Variants in VCAN observed in about 807,000 individuals in gnomAD.
VCAN encodes the protein versican.
A neutral mutation model predicts 245.5 loss-of-function variants in VCAN; 44 were observed. The observed-to-expected ratio is 0.18, with a 90% CI of 0.14 to 0.23. The LOEUF is 0.23. Among genes scored for constraint, VCAN ranks in the 10% least tolerant of loss-of-function variants. The pLI, the probability that VCAN is intolerant of heterozygous loss-of-function variation, is 1.00. For missense variants in VCAN, 3,793 were observed against 4,057.9 expected, an observed-to-expected ratio of 0.93 and a Z score of 1.77; for synonymous variants, 1,413 against 1,437.0, an observed-to-expected ratio of 0.98 and a Z score of 0.38.
Position 83,520,087 on chromosome 5 carries a change from T to C in VCAN, c.1781T>C (p.Leu594Ser). 6.2e-7 allele frequency: 1 copy of C among 1,614,086 alleles called. No homozygotes were observed. Among genetic ancestry groups the C allele is most frequent in the Non-Finnish European group, 8.5e-7 (1 of 1,179,966 alleles). Residue 594 changes from leucine (L) to serine (S), a missense_variant, in exon 7 of 15, where the codon TTA becomes TCA. By Grantham distance (145) the Leu-to-Ser change is moderately radical. Transcript: ENST00000265077. Reference sequence around the variant, plus strand: ...TCAGAAGACACCATCCACACTCATTTAGAAGACTTGGAGTCAGTCTCAGCA... The same window carrying C: ...TCAGAAGACACCATCCACACTCATTCAGAAGACTTGGAGTCAGTCTCAGCA... Reference protein sequence around the residue: ...KTSEDTIHTHLEDLESVSAST... With the variant: ...KTSEDTIHTHSEDLESVSAST...
intron 9 of VCAN, among the ~76,000 whole-genome samples, chr5:83,547,623 G>A (rs976680837): frequency 5.3e-5 from 8 of 152,200 alleles, no homozygotes; most frequent in African/African-American, 1.4e-4. Flanking sequence ...GGCTGGGGCT[G>A]TTGATTCTTC....
chr5:83,485,092 C>G (rs113950260), intron 2 of VCAN, among the ~76,000 whole-genome samples: 155 of 152,282 alleles, frequency 1.0e-3, no homozygotes, highest in African/African-American at 3.4e-3. Flanking sequence ...AACACTAACT[C>G]ACTGAAACAT....
Position 83,581,574 on chromosome 5 carries a change from C to T in VCAN, c.*1140C>T, listed in dbSNP as rs1748680546. The T allele has an allele frequency of 6.6e-6, 1 of 152,006 alleles. No homozygotes were observed. Among genetic ancestry groups the T allele is most frequent in the Non-Finnish European group, 1.5e-5 (1 of 68,008 alleles). The allele number at this position is 152,006 out of a possible 1,614,324, so 9.4% of individuals were successfully genotyped here. On this transcript the variant is annotated 3_prime_UTR_variant, in exon 15 of 15. Coordinates refer to ENST00000265077, the MANE Select transcript of VCAN (RefSeq NM_004385.5). ...GAATCATATAATATAGGTACTTTGT[C>T]CCTGATTAAATAATGTGACGGATAG...
chr5:83,473,655 C>T (rs1744281515), intron 1 of VCAN, among the ~76,000 whole-genome samples: 1 of 152,212 alleles, frequency 6.6e-6, no homozygotes, highest in African/African-American at 2.4e-5. Flanking sequence ...GATCTGCCCC[C>T]AGTTCAGCTC....
rs910091804 is a variant in VCAN at position 83,538,733 on chromosome 5, G to T, written c.5730G>T (p.Glu1910Asp). The change falls in exon 8 of 15, where the codon GAG (glutamate) becomes GAT (aspartate). Residue 1910 changes from glutamate to aspartate, a missense_variant. Coordinates refer to ENST00000265077, the MANE Select transcript of VCAN (RefSeq NM_004385.5). ...CATCCAGGGAAATAGTGATTTCAGA[G>T]CGATTAGGAGAACCAAATTATGGGG... Reference protein sequence around the residue: ...TQTSREIVISERLGEPNYGAE... With the variant: ...TQTSREIVISDRLGEPNYGAE... The T allele has an allele frequency of 1.9e-6, 3 of 1,613,968 alleles. No individual in the cohort carries two copies. In the African/African-American group the frequency reaches 4.0e-5, roughly 22 times the overall value.
intron 5 of VCAN, among the ~76,000 whole-genome samples, chr5:83,510,560 T>C (rs1451492903): frequency 6.6e-6 from 1 of 152,224 alleles, no homozygotes; most frequent in Non-Finnish European, 1.5e-5. Context: ...CAGTTTTCAT[T>C]TCTCCTCCTG....
chr5:83,486,145 A>G (rs1477678440), intron 2 of VCAN, among the ~76,000 whole-genome samples: 1 of 152,062 alleles, frequency 6.6e-6, no homozygotes, highest in Admixed American at 6.6e-5. Context: ...TAACTGGTAA[A>G]TAAATAAATA....
At chr5:83,574,754 G>A (rs922219357) in intron 13 of VCAN, among the ~76,000 whole-genome samples, 5 of 152,022 alleles carry the variant, frequency 3.3e-5, no homozygotes, top group African/African-American at 9.7e-5. Flanking sequence ...ATAAACTATG[G>A]ATCACAAATG....
chr5:83,540,531 G>A lies in VCAN; in HGVS notation c.7528G>A (p.Val2510Met), dbSNP rs1376620277. ...PDPTSTLSNT[V>M]SYERSTDGSF... ...TCCAACTAGCACACTGTCAAATACAGTGTCATATGAGAGGTCCACAGACGG... is the reference window on the plus strand; with the variant it reads ...TCCAACTAGCACACTGTCAAATACAATGTCATATGAGAGGTCCACAGACGG... Residue 2510 changes from valine to methionine, a missense_variant, in exon 8 of 15, where the codon GTG (valine) becomes ATG (methionine). Around this residue, in one of 5 missense-constraint regions of VCAN, gnomAD observed 3,182 missense variants for 3,250.3 expected, o/e 0.98. Coordinates refer to ENST00000265077, the MANE Select transcript of VCAN (RefSeq NM_004385.5). The A allele has an allele frequency of 3.1e-6, 5 of 1,613,970 alleles. No individual in the cohort carries two copies. The highest frequency in any genetic ancestry group is 4.2e-6 in the Non-Finnish European group (5 of 1,179,950).
At chr5:83,506,204 T>TC (rs984254337) in intron 5 of VCAN, among the ~76,000 whole-genome samples, 28 of 152,308 alleles carry the variant, frequency 1.8e-4, no homozygotes, top group African/African-American at 6.3e-4. Context: ...CGGCTTGAAT[T>TC]CCCCCGCAGA....
intron 2 of VCAN, among the ~76,000 whole-genome samples, chr5:83,486,210 A>T (rs1198212707): frequency 6.6e-6 from 1 of 152,164 alleles, no homozygotes; most frequent in African/African-American, 2.4e-5. Context: ...AGATATAATA[A>T]CATCTTCCAT....
In VCAN at chr5:83,519,815, A is replaced by T. The variant is rs372778379; in HGVS notation, c.1509A>T (p.Glu503Asp). ...IEVGPLVTSMEILKHIPSKEF... is the reference protein window; with the variant it reads ...IEVGPLVTSMDILKHIPSKEF... ...TGGGTCCTTTGGTAACATCTATGGA[A>T]ATCTTAAAGCACATTCCTTCCAAGG... is the stretch of plus-strand genomic sequence containing the variant. The change falls in exon 7 of 15, where the codon GAA becomes GAT. Residue 503 changes from glutamate (E) to aspartate (D), a missense_variant. Glu to Asp is a conservative substitution (Grantham distance 45, BLOSUM62 2). Transcript: ENST00000265077. The T allele has an allele frequency of 3.3e-5, 53 of 1,614,054 alleles. 1 individual carries two copies. The South Asian group carries it at 5.6e-4, about 17-fold the overall frequency.
At chr5:83,559,069 T>C (rs533238444) in intron 12 of VCAN, among the ~76,000 whole-genome samples, 1 of 152,302 alleles carries the variant, frequency 6.6e-6, no homozygotes, top group African/African-American at 2.4e-5. Flanking sequence ...CCTACTGCTT[T>C]ATTGGAAACC....
rs774378378 is a variant in VCAN at position 83,490,229 on chromosome 5, A to G, written c.202A>G (p.Lys68Glu). The change falls in exon 3 of 15, where the codon AAG (lysine) becomes GAG (glutamate). Residue 68 changes from lysine to glutamate, a missense_variant. Lys to Glu is a moderately conservative substitution (Grantham distance 56). Around this residue, in one of 5 missense-constraint regions of VCAN, gnomAD observed 179 missense variants for 169.7 expected, o/e 1.05. Transcript: ENST00000265077. ...TSEFLRIKWS[K>E]IEVDKNGKDL... ...TGAATTTCTCCGCATCAAATGGTCT[A>G]AGATTGAAGTGGACAAAAATGGAAA... 2.5e-6 allele frequency: 4 copies of G among 1,614,144 alleles called. No homozygotes were observed. The highest frequency in any genetic ancestry group is 1.6e-4 in the Middle Eastern group (1 of 6,062).
In VCAN at chr5:83,537,638, A is replaced by G; in HGVS notation, c.4635A>G (p.Glu1545=). Residue 1545 remains glutamate (E), a synonymous_variant, in exon 8 of 15, where the codon GAA becomes GAG. Transcript: ENST00000265077. ...CTGAACCTGTATCTCTGTTTCCTGA[A>G]GAGTCTTCAGGAGAGATTGCCATTG... ...EHTEPVSLFP[E]ESSGEIAIDQ... The G allele has an allele frequency of 1.9e-6, 3 of 1,613,856 alleles. No individual in the cohort carries two copies. Among genetic ancestry groups the G allele is most frequent in the African/African-American group, 1.3e-5 (1 of 75,036 alleles).
At chr5:83,508,956 G>C (rs1745561705) in intron 5 of VCAN, among the ~76,000 whole-genome samples, 1 of 152,146 alleles carries the variant, frequency 6.6e-6, no homozygotes, top group Non-Finnish European at 1.5e-5. Flanking sequence ...GTTGAGGACA[G>C]AGTGTGCTAT....
intron 3 of VCAN, 41 bp from the exon 4 acceptor site, chr5:83,493,505 G>C: frequency 6.2e-7 from 1 of 1,612,318 alleles, no homozygotes; most frequent in Non-Finnish European, 8.5e-7. Flanking sequence ...TGCAGTGGGA[G>C]ATTTGAACAG....
intron 6 of VCAN, among the ~76,000 whole-genome samples, chr5:83,517,108 C>G (rs1745880274): frequency 6.6e-6 from 1 of 152,170 alleles, no homozygotes; most frequent in Non-Finnish European, 1.5e-5. Flanking sequence ...GGACATATTG[C>G]TACCACTTTA....
chr5:83,493,602 G>T lies in VCAN; in HGVS notation c.502G>T (p.Ala168Ser). ...TSRYTLNFEA[A>S]QKACLDVGAV... ...CAGGTACACACTGAATTTTGAGGCTGCTCAGAAGGCTTGTTTGGACGTTGG... is the reference window on the plus strand; with the variant it reads ...CAGGTACACACTGAATTTTGAGGCTTCTCAGAAGGCTTGTTTGGACGTTGG... The change falls in exon 4 of 15, where the codon GCT becomes TCT. Residue 168 changes from alanine to serine, a missense_variant. This residue lies in a region of VCAN where 190 missense variants were observed against 288.6 expected (regional missense o/e 0.66). Coordinates refer to ENST00000265077, the MANE Select transcript of VCAN (RefSeq NM_004385.5). 1.2e-6 allele frequency: 2 copies of T among 1,614,034 alleles called. No individual in the cohort carries two copies. The highest frequency in any genetic ancestry group is 1.7e-6 in the Non-Finnish European group (2 of 1,180,022).
Sources: gnomAD v4.1 joint callset for allele counts (sites outside exome capture counted in the v4.1 genomes callset) on GRCh38, gnomAD v4.1.1 for gene constraint, gnomAD v4.1.1 regional missense constraint, MANE v1.5 for transcripts, NCBI Gene and HGNC (gene_info 2026-07-23, HGNC 2026-07-21) for gene names.